AKAP13: variants seen among roughly 807,000 people sequenced by gnomAD.
AKAP13 encodes the protein A-kinase anchoring protein 13, also known as A-kinase anchor protein 13.
A neutral mutation model predicts 264.5 loss-of-function variants in AKAP13; 80 were observed. The observed-to-expected ratio is 0.30, with a 90% CI of 0.25 to 0.36. The LOEUF is 0.36. AKAP13 is among the 10% of genes least tolerant of loss of function. The pLI is 1.00. For synonymous variants in AKAP13, 1,380 were observed against 1,250.2 expected (o/e 1.10, Z -2.19); for missense variants, 3,712 against 3,435.2 (o/e 1.08, Z -2.01).
chr15:85,740,341 C>T (rs1239413391), intron 34 of AKAP13, 69 bp downstream of exon 34: 4 of 1,572,256 alleles, frequency 2.5e-6, no homozygotes, highest in Middle Eastern at 1.8e-4. Context: ...CTGTTGTTGA[C>T]TTGGATCTTT....
intron 1 of AKAP13, among the ~76,000 whole-genome samples, chr15:85,482,715 G>A (rs1432729332): frequency 6.6e-6 from 1 of 152,162 alleles, no homozygotes; most frequent in African/African-American, 2.4e-5. Flanking sequence ...TTTCACTAGT[G>A]AAATAGGGGA....
At chr15:85,684,077 CTTGGT>C (rs1298983243) in intron 15 of AKAP13, among the ~76,000 whole-genome samples, 16 of 152,124 alleles carry the variant, frequency 1.1e-4, no homozygotes, top group Admixed American at 1.0e-3. Context: ...CATAAGATTC[CTTGGT>C]TTGCAACTCC....
rs146286155 is a variant in AKAP13, at chr15:85,466,051, G to A, written c.-11-19659G>A. 7.2e-5 allele frequency among the ~76,000 whole-genome samples: 11 copies of A among 152,300 alleles called. 1 individual carries two copies. The South Asian group carries it at 1.5e-3, about 20-fold the overall frequency. ...CTTTTTAATGGTTGCCTTTCTAACT[G>A]GTGTGAGATGGTATCTCATTGTGGT... On this transcript the variant is annotated intron_variant, in intron 1 of 36. Transcript: ENST00000394518.
At chr15:85,692,819 T>C (rs146860753) in intron 16 of AKAP13, among the ~76,000 whole-genome samples, 20 of 152,340 alleles carry the variant, frequency 1.3e-4, no homozygotes, top group African/African-American at 4.6e-4. Flanking sequence ...TCGGTAATTT[T>C]TCATGCCACC....
intron 1 of AKAP13, among the ~76,000 whole-genome samples, chr15:85,475,794 CTG>C (rs2075141442): frequency 6.6e-6 from 1 of 152,148 alleles, no homozygotes; most frequent in African/African-American, 2.4e-5. Context: ...ATAGCTATAA[CTG>C]TGGATCCCTT....
chr15:85,415,073 TG>T (rs2072174603), intron 1 of AKAP13, among the ~76,000 whole-genome samples: 1 of 152,158 alleles, frequency 6.6e-6, no homozygotes, highest in African/African-American at 2.4e-5. Flanking sequence ...GGGGTGGTAG[TG>T]AAGTTACTCT....
At chr15:85,507,338 C>T (rs140964586) in intron 2 of AKAP13, among the ~76,000 whole-genome samples, 67 of 150,894 alleles carry the variant, frequency 4.4e-4, no homozygotes, top group African/African-American at 1.5e-3. Context: ...GAAACACAGT[C>T]ACTCCCATTT....
chr15:85,627,175 A>T (rs1474174312), intron 8 of AKAP13, among the ~76,000 whole-genome samples: 1 of 152,164 alleles, frequency 6.6e-6, no homozygotes, highest in East Asian at 1.9e-4. Context: ...TATCTCAAGA[A>T]CAAATGAAGC....
At chr15:85,589,531 G>A (rs957682847) in intron 8 of AKAP13, among the ~76,000 whole-genome samples, 18 of 151,388 alleles carry the variant, frequency 1.2e-4, no homozygotes, top group Non-Finnish European at 2.1e-4. Context: ...TGAGGCAGGC[G>A]GATCACTTGA....
At chr15:85,638,245 TTC>T (rs1029917275) in intron 8 of AKAP13, among the ~76,000 whole-genome samples, 2 of 152,186 alleles carry the variant, frequency 1.3e-5, no homozygotes, top group African/African-American at 4.8e-5. Flanking sequence ...TGTTTTGGAT[TTC>T]TGATTTAATA....
rs140446798 is a variant in AKAP13 at position 85,503,386 on chromosome 15, C to T, written c.33+17633C>T. Reference sequence around the variant, plus strand: ...TGATTTCAAAGCCTGTGGTCTTCCTCTGGTACTATAGCCCCCAAAGCAATG... The same window carrying T: ...TGATTTCAAAGCCTGTGGTCTTCCTTTGGTACTATAGCCCCCAAAGCAATG... On this transcript the variant is annotated intron_variant, in intron 2 of 36. Transcript: ENST00000394518. 2.0e-5 allele frequency among the ~76,000 whole-genome samples: 3 copies of T among 152,318 alleles called. No individual in the cohort carries two copies. In the East Asian group the frequency reaches 5.8e-4, roughly 29 times the overall value.
At chr15:85,656,129 G>A (rs779799160) in intron 11 of AKAP13, among the ~76,000 whole-genome samples, 5 of 152,156 alleles carry the variant, frequency 3.3e-5, no homozygotes, top group Non-Finnish European at 5.9e-5. Context: ...TTATGAATGA[G>A]AAAATATTGG....
chr15:85,580,861 G>A lies in AKAP13; in HGVS notation c.2793G>A (p.Ala931=), dbSNP rs775926696. ...CTCAGGAACAAGATAAGGATAAAGC[G>A]GTGACCTGTTCCTCTATTAAGGAAA... is the stretch of plus-strand genomic sequence containing the variant. The part of the protein sequence containing the change: ...SAAQEQDKDK[A]VTCSSIKENA... Residue 931 remains alanine (A), a synonymous_variant, in exon 7 of 37, where the codon GCG becomes GCA. Transcript: ENST00000394518. 5 of 1,614,128 alleles carry A rather than the reference G, an allele frequency of 3.1e-6. No homozygotes were observed. The South Asian group carries it at 3.3e-5, about 11-fold the overall frequency.
intron 5 of AKAP13, among the ~76,000 whole-genome samples, chr15:85,570,094 A>C (rs1056454778): frequency 6.7e-6 from 1 of 149,118 alleles, no homozygotes; most frequent in East Asian, 2.1e-4. Flanking sequence ...AAAAAAAAAA[A>C]ACCACTGGAT....
chr15:85,730,551 T>C lies in AKAP13; in HGVS notation c.7126T>C (p.Leu2376=), dbSNP rs1297409650. ...HQKDQKILLL[L]EEKEMIFRDM... The stretch of plus-strand genomic sequence containing the variant: ...GAAGGACCAAAAAATCCTACTCTTG[T>C]TGGAAGAGAAGGAGATGATTTTCCG... Residue 2376 remains leucine (L), a synonymous_variant, in exon 30 of 37, where the codon TTG becomes CTG. Coordinates refer to ENST00000394518, the MANE Select transcript of AKAP13 (RefSeq NM_007200.5). The C allele has an allele frequency of 2.5e-6, 4 of 1,614,160 alleles. No individual in the cohort carries two copies. The highest frequency in any genetic ancestry group is 3.4e-6 in the Non-Finnish European group (4 of 1,180,016).
chr15:85,597,283 A>G (rs2079860306), intron 8 of AKAP13, among the ~76,000 whole-genome samples: 1 of 152,162 alleles, frequency 6.6e-6, no homozygotes, highest in African/African-American at 2.4e-5. Context: ...AGCATGCTCA[A>G]AGGGCCTGCC....
intron 17 of AKAP13, 122 bp downstream of exon 17, chr15:85,693,573 A>G: frequency 6.8e-7 from 1 of 1,467,048 alleles, no homozygotes; most frequent in Non-Finnish European, 9.0e-7. Flanking sequence ...AACCCTTTTT[A>G]TATCTTTCTT....
intron 2 of AKAP13, among the ~76,000 whole-genome samples, chr15:85,498,270 T>C (rs2075944556): frequency 6.7e-6 from 1 of 148,314 alleles, no homozygotes; most frequent in Non-Finnish European, 1.5e-5. Context: ...ATATAGGTGG[T>C]TTTAAAAAGA....
chr15:85,630,749 A>G (rs1388637751), intron 8 of AKAP13, among the ~76,000 whole-genome samples: 1 of 152,222 alleles, frequency 6.6e-6, no homozygotes, highest in Non-Finnish European at 1.5e-5. Flanking sequence ...ATGAGCACCC[A>G]TGTCACACCT....
Sources: allele counts gnomAD v4.1 joint callset (sites outside exome capture counted in the v4.1 genomes callset), GRCh38; gene constraint gnomAD v4.1.1; transcripts MANE v1.5; gene names NCBI Gene and HGNC (gene_info 2026-07-23, HGNC 2026-07-21).